The following PALM2AKAP2 variants were observed in gnomAD, a reference collection of about 807,000 sequenced individuals.
The protein encoded by PALM2AKAP2 is PALM2 and AKAP2 fusion.
In PALM2AKAP2, 37 loss-of-function variants were observed where a neutral mutation model predicts 71.5. The observed-to-expected ratio is 0.52, with a 90% confidence interval of 0.40 to 0.68. The LOEUF is 0.68. Among genes scored for constraint, PALM2AKAP2 ranks in the 30% least tolerant of loss-of-function variants. The pLI is 0.00. For synonymous variants in PALM2AKAP2, 468 were observed against 478.8 expected, an observed-to-expected ratio of 0.98 and a Z score of 0.29; for missense variants, 1,224 against 1,191.8, an observed-to-expected ratio of 1.03 and a Z score of -0.40.
rs191087851 is a variant in PALM2AKAP2, at chr9:109,771,534, C to A, written c.6-8954C>A. Among the ~76,000 whole-genome samples, 14 of 152,318 alleles carry A rather than the reference C, an allele frequency of 9.2e-5. No homozygotes were observed. The East Asian group carries it at 2.7e-3, about 29-fold the overall frequency. ...CCATCCCAGAATCCTAGAAATCTCC[C>A]TTCCCCCAAATCAATGAAGGGAAGT... On this transcript the variant is annotated intron_variant, in intron 1 of 6. Coordinates refer to the PALM2AKAP2 transcript ENST00000374531.
chr9:109,985,246 G>A (rs1316050812), intron 6 of PALM2AKAP2, among the ~76,000 whole-genome samples: 1 of 152,068 alleles, frequency 6.6e-6, no homozygotes, highest in Non-Finnish European at 1.5e-5. Flanking sequence ...TTAAAAGCCT[G>A]ACATATCTGT....
chr9:109,803,216 C>A (rs7048452), intron 1 of PALM2AKAP2, among the ~76,000 whole-genome samples: 92,646 of 152,106 alleles, frequency 0.61, 29,621 homozygotes, highest in African/African-American at 0.81. Context: ...TTAGAATTGA[C>A]GAAATCTAGT....
At chr9:109,745,744 G>T (rs74317876) in intron 1 of PALM2AKAP2, among the ~76,000 whole-genome samples, 1 of 152,134 alleles carries the variant, frequency 6.6e-6, no homozygotes, top group Non-Finnish European at 1.5e-5. Context: ...ACATGAGCAC[G>T]CAGTGGTGTG....
At chr9:109,741,039 A>G (rs1828709183) in intron 1 of PALM2AKAP2, among the ~76,000 whole-genome samples, 1 of 152,158 alleles carries the variant, frequency 6.6e-6, no homozygotes. Context: ...ATTTGTTTTG[A>G]AGGTATCTGG....
intron 6 of PALM2AKAP2, among the ~76,000 whole-genome samples, chr9:109,954,514 G>C (rs1023209173): frequency 7.4e-6 from 1 of 135,674 alleles, no homozygotes; most frequent in African/African-American, 2.7e-5. Context: ...GTAGTGGGGT[G>C]GGGGGAGGGG....
chr9:109,776,563 G>A (rs1829351150), upstream of PALM2AKAP2, among the ~76,000 whole-genome samples: 1 of 152,224 alleles, frequency 6.6e-6, no homozygotes, highest in Non-Finnish European at 1.5e-5. Flanking sequence ...ATGCCTGACT[G>A]AGCCGAGATT....
At chr9:110,081,531 G>A (rs1834448512) in intron 1 of PALM2AKAP2, among the ~76,000 whole-genome samples, 1 of 152,124 alleles carries the variant, frequency 6.6e-6, no homozygotes, top group Admixed American at 6.6e-5. Context: ...GCAGGGTGTG[G>A]TGTTTTGTTT....
At chr9:109,736,459 A>T in intron 1 of PALM2AKAP2, among the ~76,000 whole-genome samples, 1 of 152,200 alleles carries the variant, frequency 6.6e-6, no homozygotes. Context: ...TTGGCCAAAC[A>T]ATAGTCTAAG....
chr9:110,159,087 C>T (rs1017908989), intron 3 of PALM2AKAP2, among the ~76,000 whole-genome samples: 1 of 152,126 alleles, frequency 6.6e-6, no homozygotes, highest in Admixed American at 6.5e-5. Context: ...GGCCCCTTTT[C>T]CATTTTTTCT....
chr9:109,863,120 G>A (rs1342772456), intron 1 of PALM2AKAP2, among the ~76,000 whole-genome samples: 1 of 152,212 alleles, frequency 6.6e-6, no homozygotes, highest in East Asian at 1.9e-4. Flanking sequence ...TTGAGTTGGA[G>A]AAGCCAAGAA....
At chr9:109,991,664 A>C (rs551541815) in intron 6 of PALM2AKAP2, among the ~76,000 whole-genome samples, 1 of 152,326 alleles carries the variant, frequency 6.6e-6, no homozygotes, top group East Asian at 1.9e-4. Context: ...GCTGGTATAC[A>C]TCTCAAAGAA....
In PALM2AKAP2 at chr9:109,809,881, C is replaced by T. The variant is rs146830910; in HGVS notation, c.45+29348C>T. On this transcript the variant is annotated intron_variant, in intron 1 of 9. Coordinates refer to the PALM2AKAP2 transcript ENST00000302798. ...AGGGGCTTGTCCTCTTTTTGCTGGGCACTTCTTCCTGCCGCCATATGAAGA... is the reference window on the plus strand; with the variant it reads ...AGGGGCTTGTCCTCTTTTTGCTGGGTACTTCTTCCTGCCGCCATATGAAGA... Among the ~76,000 whole-genome samples the T allele has an allele frequency of 2.0e-3, 304 of 152,272 alleles. 2 individuals carry two copies. The highest frequency in any genetic ancestry group is 6.9e-3 in the African/African-American group (288 of 41,554).
At chr9:109,914,599 C>T (rs1367786115) in intron 3 of PALM2AKAP2, among the ~76,000 whole-genome samples, 4 of 152,198 alleles carry the variant, frequency 2.6e-5, no homozygotes, top group African/African-American at 2.4e-5. Context: ...ACAGGCACCC[C>T]ACTTGACTGC....
At chr9:109,656,688 G>A (rs146563298) in intron 1 of PALM2AKAP2, among the ~76,000 whole-genome samples, 2 of 152,300 alleles carry the variant, frequency 1.3e-5, no homozygotes, top group East Asian at 3.9e-4. Flanking sequence ...GAGGAATTAG[G>A]GGATGAGAGG....
intron 3 of PALM2AKAP2, among the ~76,000 whole-genome samples, chr9:110,167,990 CACGTATGGCTAGTGGCT>C (rs1473684733): frequency 6.6e-6 from 1 of 152,138 alleles, no homozygotes; most frequent in Non-Finnish European, 1.5e-5. Context: ...GCTCAATAGC[CACGTATGGCTAGTGGCT>C]ACCATACTGG....
At chr9:109,710,605 T>C (rs1427942195) in intron 1 of PALM2AKAP2, among the ~76,000 whole-genome samples, 1 of 152,180 alleles carries the variant, frequency 6.6e-6, no homozygotes, top group African/African-American at 2.4e-5. Context: ...CTTTTGGGAA[T>C]GATGATTCCC....
At chr9:109,734,368 A>G (rs1328022257) in intron 1 of PALM2AKAP2, among the ~76,000 whole-genome samples, 1 of 152,234 alleles carries the variant, frequency 6.6e-6, no homozygotes, top group East Asian at 1.9e-4. Context: ...ATTGAAACTA[A>G]CATTGAACTG....
intron 1 of PALM2AKAP2, among the ~76,000 whole-genome samples, chr9:110,113,122 T>C (rs1835286351): frequency 6.6e-6 from 1 of 152,254 alleles, no homozygotes; most frequent in Non-Finnish European, 1.5e-5. Flanking sequence ...TCGATAAGCC[T>C]GCAGCCTTTG....
Position 110,135,164 on chromosome 9 carries a change from A to AAAAAAAAAAAATATATATATATATATAT in PALM2AKAP2, c.157-962_157-961insAAAAAAAAAATATATATATATATATATA. On this transcript the variant is annotated intron_variant, in intron 1 of 3. Coordinates refer to ENST00000374525, the Ensembl canonical transcript of PALM2AKAP2. ...AACTCTGTCTCTACAAAAAAAAAAA[A>AAAAAAAAAAAATATATATATATATATAT]ATATATAAATATATATATATATATA... is the stretch of plus-strand genomic sequence containing the variant. Among the ~76,000 whole-genome samples the AAAAAAAAAAAATATATATATATATATAT allele has an allele frequency of 7.7e-5, 4 of 51,720 alleles. 1 individual carries two copies. The highest frequency in any genetic ancestry group is 1.5e-4 in the Non-Finnish European group (4 of 26,618). 33.9% of individuals were successfully genotyped at this position (51,720 alleles called of 152,430 possible).
Sources: gnomAD v4.1 joint callset for allele counts (sites outside exome capture counted in the v4.1 genomes callset) on GRCh38, gnomAD v4.1.1 for gene constraint, MANE v1.5 for transcripts, NCBI Gene and HGNC (gene_info 2026-07-23, HGNC 2026-07-21) for gene names.